MLX: variants seen among roughly 807,000 people sequenced by gnomAD.
MLX encodes the protein MAX dimerization protein MLX.
MLX carries 15 observed loss-of-function variants against 33.0 expected under a neutral mutation model. That is an observed-to-expected ratio of 0.45 (90% CI 0.30 to 0.70). The LOEUF (loss-of-function observed/expected upper bound fraction) is 0.70, where lower values mean the gene tolerates loss of function less well. Ranked by LOEUF, MLX falls within the 30% of genes least tolerant of loss-of-function variation. MLX has a pLI of 0.07. For missense variants in MLX, 285 were observed against 306.3 expected (o/e 0.93, Z 0.52); for synonymous variants, 115 against 115.6 (o/e 0.99, Z 0.03).
In MLX at chr17:42,567,645, C is replaced by T. The variant is rs1303876538; in HGVS notation, c.69C>T (p.Ser23=). 1.2e-6 allele frequency: 2 copies of T among 1,613,992 alleles called. No homozygotes were observed. The highest frequency in any genetic ancestry group is 1.7e-6 in the Non-Finnish European group (2 of 1,180,008). Residue 23 remains serine, a synonymous_variant, in exon 2 of 8, where the codon AGC becomes AGT. Transcript: ENST00000435881. ...VKVEYAYSDN[S]LDPGLFVEST... ...TGGAGTATGCCTACAGCGACAACAG[C>T]CTGGACCCCGGTGAGTAGCTGCCCC...
At position 42,572,150 on chromosome 17, in the gene MLX, G is replaced by A; in HGVS notation, c.*547G>A. The A allele has an allele frequency of 3.0e-6, 1 of 337,896 alleles. No homozygotes were observed. Among genetic ancestry groups the A allele is most frequent in the South Asian group, 2.4e-5 (1 of 41,256 alleles). The allele number at this position is 337,896 out of a possible 1,614,324, so 20.9% of individuals were successfully genotyped here. A position where few individuals can be genotyped will look rare whatever the true frequency, so the allele number is the denominator to read the frequency against. On this transcript the variant is annotated 3_prime_UTR_variant, in exon 8 of 8. Transcript: ENST00000435881. ...TAGGGCTGCCTGGTCAGTCCCAGGTGAGGCCAAGGGCTTTCTGGCCATCTC... is the reference window on the plus strand; with the variant it reads ...TAGGGCTGCCTGGTCAGTCCCAGGTAAGGCCAAGGGCTTTCTGGCCATCTC...
chr17:42,567,548 C>G (rs1007071096), intron 1 of MLX, 71 bp from the exon 2 acceptor site: 3 of 1,607,596 alleles, frequency 1.9e-6, no homozygotes, highest in Non-Finnish European at 2.5e-6. Context: ...GCTGTGCGTG[C>G]CTGCAGTGGA....
rs754861601 is a variant in MLX, at chr17:42,568,511, A to G, written c.121A>G (p.Arg41Gly). ...CACCCGCAAGGGGAGTGTAGTGTCC[A>G]GAGCTAATAGCATCGGTTCCACCAG... is the stretch of plus-strand genomic sequence containing the variant. ...ESTRKGSVVS[R>G]ANSIGSTSAS... The change falls in exon 3 of 8, where the codon AGA (arginine) becomes GGA (glycine). Residue 41 changes from arginine to glycine, a missense_variant. Arg to Gly is a moderately radical substitution (Grantham distance 125). Transcript: ENST00000435881. The G allele has an allele frequency of 2.5e-6, 4 of 1,613,978 alleles. No individual in the cohort carries two copies. The highest frequency in any genetic ancestry group is 3.3e-5 in the Admixed American group (2 of 60,012).
At position 42,572,505 on chromosome 17, in the gene MLX, C is replaced by T. The variant is rs987400901; in HGVS notation, c.*902C>T. 4 of 454,236 alleles carry T rather than the reference C, an allele frequency of 8.8e-6. No homozygotes were observed. Among genetic ancestry groups the T allele is most frequent in the African/African-American group, 2.0e-5 (1 of 49,878 alleles). 28.1% of individuals were successfully genotyped at this position (454,236 alleles called of 1,614,324 possible). ...AGCGTACAAAAGATACTTAAAAGGG[C>T]TCCTGGGGTACACAAGCCCAGCAGG... is the stretch of plus-strand genomic sequence containing the variant. On this transcript the variant is annotated 3_prime_UTR_variant, in exon 8 of 8. Transcript: ENST00000435881.
intron 6 of MLX, 163 bp from the exon 7 acceptor site, chr17:42,569,819 A>G (rs1278678242): frequency 1.3e-6 from 1 of 743,060 alleles, no homozygotes; most frequent in South Asian, 1.8e-5. Context: ...TTGGAGAGAG[A>G]GGGCCACCTT....
At position 42,567,314 on chromosome 17, in the gene MLX, C is replaced by T. The variant is rs1192877324; in HGVS notation, c.42+148C>T. On this transcript the variant is annotated intron_variant, in intron 1 of 7. Coordinates refer to ENST00000435881, the MANE Select transcript of MLX (RefSeq NM_198204.2). Reference sequence around the variant, plus strand: ...GGGCTGCAGAGAAGACAGCTCTCACCCCGCGTGTGCCAAGGTGGGGAGACA... The same window carrying T: ...GGGCTGCAGAGAAGACAGCTCTCACTCCGCGTGTGCCAAGGTGGGGAGACA... 4.9e-5 allele frequency: 68 copies of T among 1,389,634 alleles called. No individual in the cohort carries two copies. Among genetic ancestry groups the T allele is most frequent in the Non-Finnish European group, 6.2e-5 (66 of 1,064,242 alleles). The allele number at this position is 1,389,634 out of a possible 1,614,324, so 86.1% of individuals were successfully genotyped here.
rs201489933 is a variant in MLX at position 42,573,189 on chromosome 17, G to A, written c.*1586G>A. The A allele has an allele frequency of 2.8e-5, 45 of 1,614,132 alleles. No individual in the cohort carries two copies. The highest frequency in any genetic ancestry group is 1.2e-4 in the Admixed American group (7 of 60,018). ...AGCCTGACAAGAAATAAAACCACCCGTTTTCAGATGGGCAGCACTGGGCAC... is the reference window on the plus strand; with the variant it reads ...AGCCTGACAAGAAATAAAACCACCCATTTTCAGATGGGCAGCACTGGGCAC... On this transcript the variant is annotated 3_prime_UTR_variant, in exon 8 of 8. Transcript: ENST00000435881.
rs138687177 is a variant in MLX at position 42,573,140 on chromosome 17, A to G, written c.*1537A>G. 6.2e-7 allele frequency: 1 copy of G among 1,614,246 alleles called. No homozygotes were observed. Among genetic ancestry groups the G allele is most frequent in the Non-Finnish European group, 8.5e-7 (1 of 1,180,036 alleles). ...GCTTCTTGCTCTTGGGGTATCCTTC[A>G]AGTATTGCATCAGACAGCTCTGTAG... On this transcript the variant is annotated 3_prime_UTR_variant, in exon 8 of 8. Coordinates refer to ENST00000435881, the MANE Select transcript of MLX (RefSeq NM_198204.2).
chr17:42,569,846 G>A, intron 6 of MLX, 136 bp from the exon 7 acceptor site: 5 of 824,968 alleles, frequency 6.1e-6, no homozygotes, highest in Non-Finnish European at 9.8e-6. Flanking sequence ...CCTGGAAGCA[G>A]TATCTCCCTG....
intron 7 of MLX, 68 bp downstream of exon 7, chr17:42,570,251 C>A: frequency 1.3e-6 from 2 of 1,511,874 alleles, no homozygotes; most frequent in Non-Finnish European, 1.8e-6. Flanking sequence ...CCCAAGCCAT[C>A]AGCTGTTGAG....
chr17:42,571,638 A>C lies in MLX; in HGVS notation c.*35A>C, dbSNP rs1438788484. 6.3e-7 allele frequency: 1 copy of C among 1,591,808 alleles called. No homozygotes were observed. Among genetic ancestry groups the C allele is most frequent in the Non-Finnish European group, 8.6e-7 (1 of 1,161,756 alleles). On this transcript the variant is annotated 3_prime_UTR_variant, in exon 8 of 8. Transcript: ENST00000435881. ...GGAAACCTGGAGAACAGCCAACAAGAGGCCCTTGAATCTCTACGTGGCCAC... is the reference window on the plus strand; with the variant it reads ...GGAAACCTGGAGAACAGCCAACAAGCGGCCCTTGAATCTCTACGTGGCCAC...
At position 42,567,652 on chromosome 17, in the gene MLX, C is replaced by T. The variant is rs749073467; in HGVS notation, c.76C>T (p.Pro26Ser). Residue 26 changes from proline to serine, a missense_variant, in exon 2 of 8, where the codon CCC becomes TCC. Transcript: ENST00000435881. ...EYAYSDNSLD[P>S]GLFVESTRKG... ...TGCCTACAGCGACAACAGCCTGGAC[C>T]CCGGTGAGTAGCTGCCCCATCTTAA... 1 of 1,614,122 alleles carries T rather than the reference C, an allele frequency of 6.2e-7. No individual in the cohort carries two copies.
At chr17:42,570,204 C>G (rs1342461715) in intron 7 of MLX, 21 bp downstream of exon 7, 1 of 1,611,400 alleles carries the variant, frequency 6.2e-7, no homozygotes, top group South Asian at 1.1e-5. Context: ...ACAATAGGCA[C>G]AGGGTCTGCG....
At position 42,571,650 on chromosome 17, in the gene MLX, C is replaced by T. The variant is rs2093033568; in HGVS notation, c.*47C>T. The T allele has an allele frequency of 6.4e-7, 1 of 1,566,102 alleles. No homozygotes were observed. Reference sequence around the variant, plus strand: ...AACAGCCAACAAGAGGCCCTTGAATCTCTACGTGGCCACTGAACTGCTGGG... The same window carrying T: ...AACAGCCAACAAGAGGCCCTTGAATTTCTACGTGGCCACTGAACTGCTGGG... On this transcript the variant is annotated 3_prime_UTR_variant, in exon 8 of 8. Coordinates refer to ENST00000435881, the MANE Select transcript of MLX (RefSeq NM_198204.2).
Position 42,572,216 on chromosome 17 carries a change from A to G in MLX, c.*613A>G, listed in dbSNP as rs1007674944. 3 of 369,994 alleles carry G rather than the reference A, an allele frequency of 8.1e-6. No homozygotes were observed. Among genetic ancestry groups the G allele is most frequent in the Non-Finnish European group, 1.1e-5 (2 of 188,692 alleles). The allele number at this position is 369,994 out of a possible 1,614,324, so 22.9% of individuals were successfully genotyped here. ...GGTTCCTCCCCTCACCCCATATTCC[A>G]TCACCTTCCTCCTCTGCTCTGGGTG... On this transcript the variant is annotated 3_prime_UTR_variant, in exon 8 of 8. Coordinates refer to ENST00000435881, the MANE Select transcript of MLX (RefSeq NM_198204.2).
rs747090142 is a variant in MLX, at chr17:42,571,840, T to TC, written c.*243dup. ...GATAAAACTCAAACCTACCCAGCCT[T>TC]CCCCCCACTCCATGGAAGTCCTTGG... is the stretch of plus-strand genomic sequence containing the variant. On this transcript the variant is annotated 3_prime_UTR_variant, in exon 8 of 8. Coordinates refer to ENST00000435881, the MANE Select transcript of MLX (RefSeq NM_198204.2). The TC allele has an allele frequency of 1.9e-6, 1 of 532,514 alleles. No individual in the cohort carries two copies. Among genetic ancestry groups the TC allele is most frequent in the Non-Finnish European group, 3.4e-6 (1 of 295,072 alleles). 33.0% of individuals were successfully genotyped at this position (532,514 alleles called of 1,614,324 possible).
At chr17:42,570,299 T>G in intron 7 of MLX, 116 bp downstream of exon 7, 1 of 964,472 alleles carries the variant, frequency 1.0e-6, no homozygotes, top group Non-Finnish European at 1.6e-6. Context: ...TAAGGGCGTT[T>G]CTACAGCTTT....
Position 42,568,473 on chromosome 17 carries a change from T to A in MLX, c.83T>A (p.Leu28His), listed in dbSNP as rs776114176. ...GATTGGGGCCTCTCTTTTCCAGGGC[T>A]TTTTGTAGAAAGCACCCGCAAGGGG... is the stretch of plus-strand genomic sequence containing the variant. The part of the protein sequence containing the change: ...AYSDNSLDPG[L>H]FVESTRKGSV... Residue 28 changes from leucine (L) to histidine (H), a missense_variant, in exon 3 of 8, where the codon CTT becomes CAT. Physicochemically the swap from Leu to His is moderately conservative, Grantham distance 99 (BLOSUM62 -3). Coordinates refer to ENST00000435881, the MANE Select transcript of MLX (RefSeq NM_198204.2). 5.0e-6 allele frequency: 8 copies of A among 1,613,520 alleles called. No homozygotes were observed. In the East Asian group the frequency reaches 1.8e-4, roughly 36 times the overall value.
chr17:42,571,015 C>G (rs887763158), intron 7 of MLX, among the ~76,000 whole-genome samples: 2 of 152,088 alleles, frequency 1.3e-5, no homozygotes, highest in African/African-American at 4.8e-5. Context: ...GAGAGGAGTT[C>G]ACAGTGAACA....
Sources: allele counts gnomAD v4.1 joint callset (sites outside exome capture counted in the v4.1 genomes callset), GRCh38; gene constraint gnomAD v4.1.1; transcripts MANE v1.5; gene names NCBI Gene and HGNC (gene_info 2026-07-23, HGNC 2026-07-21).